Variants in FBXO25 observed in about 807,000 individuals in gnomAD.
The protein encoded by FBXO25 is F-box only protein 25.
Under a neutral mutation model 51.9 loss-of-function variants are expected in FBXO25, and 45 were observed. The observed-to-expected ratio is 0.87, with a 90% CI of 0.68 to 1.11. The LOEUF is 1.11. Ranked by LOEUF, FBXO25 falls within the 50% of genes most tolerant of loss-of-function variation. The pLI is 0.00. For missense variants in FBXO25, 507 were observed against 428.5 expected (o/e 1.18, Z -1.62); for synonymous variants, 199 against 151.0 (o/e 1.32, Z -2.33).
At chr8:415,020 C>T (rs978717173) in intron 2 of FBXO25, among the ~76,000 whole-genome samples, 13 of 152,252 alleles carry the variant, frequency 8.5e-5, no homozygotes, top group African/African-American at 2.9e-4. Flanking sequence ...AAGGAAAAAC[C>T]ATTTAACTTT....
rs987871830 is a variant in FBXO25, at chr8:474,411, A to G, written c.*5607A>G. On this transcript the variant is annotated 3_prime_UTR_variant, in exon 10 of 10. Transcript: ENST00000350302. The stretch of plus-strand genomic sequence containing the variant: ...TGCTGCCGTAAACATGGGTGTGCAA[A>G]TATCTGAGTCTCTGCTTTCAATCAT... 10 of 280,048 alleles carry G rather than the reference A, an allele frequency of 3.6e-5. No homozygotes were observed. Among genetic ancestry groups the G allele is most frequent in the African/African-American group, 2.1e-4 (9 of 43,614 alleles). The allele number at this position is 280,048 out of a possible 1,614,324, so 17.3% of individuals were successfully genotyped here. A position where few individuals can be genotyped will look rare whatever the true frequency, so the allele number is the denominator to read the frequency against.
chr8:430,337 G>A (rs1035786473), intron 2 of FBXO25, among the ~76,000 whole-genome samples: 1 of 152,116 alleles, frequency 6.6e-6, no homozygotes, highest in African/African-American at 2.4e-5. Flanking sequence ...TCAGTTGTTT[G>A]TATGTTTTTC....
At chr8:453,949 C>T (rs564525216) in intron 7 of FBXO25, among the ~76,000 whole-genome samples, 2 of 152,236 alleles carry the variant, frequency 1.3e-5, no homozygotes, top group East Asian at 1.9e-4. Context: ...CATGGTGAAA[C>T]GCTGTCTTTA....
chr8:417,320 A>G (rs1012635973), intron 2 of FBXO25, among the ~76,000 whole-genome samples: 1 of 152,232 alleles, frequency 6.6e-6, no homozygotes, highest in Non-Finnish European at 1.5e-5. Context: ...ACAGACTTCC[A>G]AGACGCAGGA....
At position 476,776 on chromosome 8, in the gene FBXO25, C is replaced by T. The variant is rs1800655693; in HGVS notation, c.*7972C>T. On this transcript the variant is annotated 3_prime_UTR_variant, in exon 10 of 10. Transcript: ENST00000350302. ...TGGTTTCATTTATTTTTCTCTATTG[C>T]TTTTCTGTTCTCTATTTTGTCTCTG... 1 of 151,908 alleles carries T rather than the reference C, an allele frequency of 6.6e-6. No homozygotes were observed. The highest frequency in any genetic ancestry group is 1.5e-5 in the Non-Finnish European group (1 of 67,988). 9.4% of individuals were successfully genotyped at this position (151,908 alleles called of 1,614,324 possible). A position where few individuals can be genotyped will look rare whatever the true frequency, so the allele number is the denominator to read the frequency against.
At position 467,759 on chromosome 8, in the gene FBXO25, C is replaced by T. The variant is rs370757310; in HGVS notation, c.988-956C>T. The T allele has an allele frequency of 1.8e-5, 29 of 1,613,686 alleles. No individual in the cohort carries two copies. In the South Asian group the frequency reaches 3.1e-4, roughly 17 times the overall value. On this transcript the variant is annotated intron_variant, in intron 9 of 9. Transcript: ENST00000350302. ...TTTACTATTCAAGGTACTTCCCTGTCTTGCCACACATCCTGTGTTCGGGAT... is the reference window on the plus strand; with the variant it reads ...TTTACTATTCAAGGTACTTCCCTGTTTTGCCACACATCCTGTGTTCGGGAT...
intron 2 of FBXO25, among the ~76,000 whole-genome samples, chr8:419,182 A>G (rs1368474999): frequency 6.6e-6 from 1 of 152,014 alleles, no homozygotes; most frequent in African/African-American, 2.4e-5. Flanking sequence ...CAACATGGTG[A>G]AACCCCGTCT....
chr8:417,304 T>G (rs1456692215), intron 2 of FBXO25, among the ~76,000 whole-genome samples: 1 of 152,198 alleles, frequency 6.6e-6, no homozygotes, highest in Non-Finnish European at 1.5e-5. Flanking sequence ...GGCTACCGTG[T>G]TAAAAACAGA....
At chr8:415,449 A>G (rs1796738961) in intron 2 of FBXO25, among the ~76,000 whole-genome samples, 1 of 152,228 alleles carries the variant, frequency 6.6e-6, no homozygotes, top group African/African-American at 2.4e-5. Flanking sequence ...TTTGATAGAC[A>G]GAGGATTCAT....
intron 8 of FBXO25, among the ~76,000 whole-genome samples, chr8:459,853 A>G (rs912592816): frequency 2.0e-5 from 3 of 152,224 alleles, no homozygotes; most frequent in Non-Finnish European, 2.9e-5. Context: ...TGGACTCTCA[A>G]GGCCATGGAC....
chr8:432,711 A>G (rs9644272), intron 3 of FBXO25, among the ~76,000 whole-genome samples, 175 bp from the exon 4 acceptor site: 3,279 of 152,340 alleles, frequency 0.022, 88 homozygotes, highest in East Asian at 0.12. Context: ...TTCATATCTT[A>G]AACTGATTTA....
At chr8:417,992 T>C (rs1397665505) in intron 2 of FBXO25, among the ~76,000 whole-genome samples, 2 of 152,196 alleles carry the variant, frequency 1.3e-5, no homozygotes, top group Non-Finnish European at 2.9e-5. Context: ...TTTGTACCAG[T>C]TTATACTCTG....
intron 7 of FBXO25, among the ~76,000 whole-genome samples, chr8:451,950 A>G (rs1308333780): frequency 1.3e-5 from 2 of 152,206 alleles, no homozygotes; most frequent in African/African-American, 4.8e-5. Context: ...TCTGGTAACT[A>G]GTTTCAACAA....
At chr8:415,566 T>C (rs1290209783) in intron 2 of FBXO25, among the ~76,000 whole-genome samples, 9 of 152,148 alleles carry the variant, frequency 5.9e-5, no homozygotes, top group Admixed American at 5.9e-4. Flanking sequence ...AGGGTTTCAG[T>C]AGACAGGTGA....
Position 465,256 on chromosome 8 carries a change from G to A in FBXO25, c.987+2106G>A, listed in dbSNP as rs185505187. ...TGTTCTTCTCTGAAATATTAACACT[G>A]AAAACATGTGACTGTGTCTTCAGTC... is the stretch of plus-strand genomic sequence containing the variant. On this transcript the variant is annotated intron_variant, in intron 9 of 9. Transcript: ENST00000350302. 3.6e-3 allele frequency among the ~76,000 whole-genome samples: 544 copies of A among 152,264 alleles called. 2 individuals carry two copies. Among genetic ancestry groups the A allele is most frequent in the Non-Finnish European group, 4.4e-3 (300 of 68,024 alleles).
Position 475,707 on chromosome 8 carries a change from G to A in FBXO25, c.*6903G>A, listed in dbSNP as rs1172705360. ...GGAATTTTCTTAAATTTCCTTTTGA[G>A]ATTGCTTGTTATTGTATAGAAATAT... is the stretch of plus-strand genomic sequence containing the variant. On this transcript the variant is annotated 3_prime_UTR_variant, in exon 10 of 10. Coordinates refer to ENST00000350302, the MANE Select transcript of FBXO25 (RefSeq NM_183420.2). 2.0e-5 allele frequency: 3 copies of A among 152,014 alleles called. No homozygotes were observed. Among genetic ancestry groups the A allele is most frequent in the African/African-American group, 7.2e-5 (3 of 41,384 alleles). The allele number at this position is 152,014 out of a possible 1,614,324, so 9.4% of individuals were successfully genotyped here. A position where few individuals can be genotyped will look rare whatever the true frequency, so the allele number is the denominator to read the frequency against.
chr8:425,166 C>G (rs1007468173), intron 2 of FBXO25, among the ~76,000 whole-genome samples: 3 of 151,200 alleles, frequency 2.0e-5, no homozygotes, highest in Non-Finnish European at 4.4e-5. Flanking sequence ...TTATAACCTA[C>G]TTCATCTCCC....
At chr8:467,755 C>T in intron 9 of FBXO25, 1 of 1,613,912 alleles carries the variant, frequency 6.2e-7, no homozygotes, top group South Asian at 1.1e-5. Context: ...AGGTACTTCC[C>T]TGTCTTGCCA....
At chr8:446,270 C>G (rs1261774002) in intron 5 of FBXO25, among the ~76,000 whole-genome samples, 1 of 152,172 alleles carries the variant, frequency 6.6e-6, no homozygotes, top group Non-Finnish European at 1.5e-5. Flanking sequence ...CCCAGACTCA[C>G]TCTGCCCTGA....
Sources: allele counts gnomAD v4.1 joint callset (sites outside exome capture counted in the v4.1 genomes callset), GRCh38; gene constraint gnomAD v4.1.1; transcripts MANE v1.5; gene names NCBI Gene and HGNC (gene_info 2026-07-23, HGNC 2026-07-21).